FOCAD: variants seen among roughly 807,000 people sequenced by gnomAD.
The protein encoded by FOCAD is KIAA1797.
FOCAD carries 198 observed loss-of-function variants against 225.6 expected under a neutral mutation model. That is an observed-to-expected ratio of 0.88 (90% CI 0.78 to 0.99). The LOEUF is 0.99. Among genes scored for constraint, FOCAD ranks in the 50% least tolerant of loss-of-function variants. The pLI is 0.00. For missense variants in FOCAD, 2,713 were observed against 2,123.6 expected (o/e 1.28, Z -5.46); for synonymous variants, 897 against 755.0 (o/e 1.19, Z -3.08).
In FOCAD at chr9:20,729,346, C is replaced by G. The variant is rs115822082; in HGVS notation, c.287+8812C>G. 2.9e-3 allele frequency among the ~76,000 whole-genome samples: 436 copies of G among 152,318 alleles called. 1 individual carries two copies. The highest frequency in any genetic ancestry group is 0.01 in the African/African-American group (419 of 41,570). On this transcript the variant is annotated intron_variant, in intron 4 of 43. Coordinates refer to ENST00000338382, the MANE Select transcript of FOCAD (RefSeq NM_001375567.1). ...TAACTTCAGTCTCTGCCTCTGTATG[C>G]TCATGGCTGACTTACCTGTATATCT...
intron 26 of FOCAD, among the ~76,000 whole-genome samples, chr9:20,928,056 C>T (rs907188775): frequency 2.0e-5 from 3 of 151,852 alleles, no homozygotes; most frequent in East Asian, 1.9e-4. Context: ...CAGAAGTGTT[C>T]TTATTTCTTT....
chr9:20,880,406 G>T (rs987788879), intron 19 of FOCAD, among the ~76,000 whole-genome samples: 2 of 152,186 alleles, frequency 1.3e-5, no homozygotes, highest in Admixed American at 6.6e-5. Flanking sequence ...AAGAAGCCCT[G>T]TGTCTGGGGA....
At chr9:20,911,016 A>T (rs17691892) in intron 22 of FOCAD, among the ~76,000 whole-genome samples, 39,397 of 152,002 alleles carry the variant, frequency 0.26, 5,442 homozygotes, top group South Asian at 0.36. Context: ...ACGGATTTTT[A>T]AAATTTCTTG....
intron 11 of FOCAD, among the ~76,000 whole-genome samples, chr9:20,790,873 G>A (rs550661580): frequency 6.6e-6 from 1 of 152,308 alleles, no homozygotes; most frequent in African/African-American, 2.4e-5. Context: ...AACAACTGCT[G>A]ATATCTCACA....
chr9:20,930,458 G>A (rs34872272), intron 27 of FOCAD, among the ~76,000 whole-genome samples: 30,177 of 152,082 alleles, frequency 0.2, 3,620 homozygotes, highest in South Asian at 0.32. Flanking sequence ...GTAGGGAGAG[G>A]CATTCTGTTG....
At chr9:20,932,162 TGTGTGTGTG>T (rs1273528130) in intron 27 of FOCAD, among the ~76,000 whole-genome samples, 1 of 152,168 alleles carries the variant, frequency 6.6e-6, no homozygotes, top group Non-Finnish European at 1.5e-5. Context: ...CTATTAAGTC[TGTGTGTGTG>T]ATATGAGGGG....
chr9:20,790,644 A>G (rs1309247207), intron 11 of FOCAD, among the ~76,000 whole-genome samples: 1 of 152,106 alleles, frequency 6.6e-6, no homozygotes, highest in Non-Finnish European at 1.5e-5. Context: ...AGTGACATGC[A>G]CCTGTAATCC....
chr9:20,887,788 T>C (rs1289457395), intron 21 of FOCAD, among the ~76,000 whole-genome samples: 2 of 152,206 alleles, frequency 1.3e-5, no homozygotes, highest in Non-Finnish European at 2.9e-5. Context: ...GTGGCTGTCT[T>C]ATTTTGAATG....
rs138220197 is a variant in FOCAD, at chr9:20,662,794, C to T, written c.-78+3968C>T. ...ACGTCTTGCAACCCAAACTTTGGCT[C>T]AGAGCCTGCTTTTGGAAGAGTCAGG... On this transcript the variant is annotated intron_variant, in intron 2 of 45. Coordinates refer to the FOCAD transcript ENST00000380249. 2.6e-4 allele frequency among the ~76,000 whole-genome samples: 40 copies of T among 152,246 alleles called. No homozygotes were observed. The East Asian group carries it at 7.5e-3, about 29-fold the overall frequency.
rs191937508 is a variant in FOCAD, at chr9:20,796,757, C to T, written c.1455+7149C>T. On this transcript the variant is annotated intron_variant, in intron 11 of 43. Transcript: ENST00000338382. ...TAGATTGCAAAATTTTTCTCCCATT[C>T]TGTAGGTTGCCTGTTCACTCTGATG... is the stretch of plus-strand genomic sequence containing the variant. 3.5e-3 allele frequency among the ~76,000 whole-genome samples: 525 copies of T among 152,156 alleles called. 3 individuals are homozygous for T. Among genetic ancestry groups the T allele is most frequent in the African/African-American group, 0.012 (500 of 41,506 alleles).
intron 1 of FOCAD, among the ~76,000 whole-genome samples, chr9:20,686,855 G>A (rs1401864617): frequency 6.6e-6 from 1 of 152,128 alleles, no homozygotes; most frequent in African/African-American, 2.4e-5. Flanking sequence ...TAAGCTGATA[G>A]GACAAGGGAT....
At chr9:20,917,304 T>C (rs1305297722) in intron 24 of FOCAD, among the ~76,000 whole-genome samples, 2 of 152,092 alleles carry the variant, frequency 1.3e-5, no homozygotes, top group Admixed American at 1.3e-4. Context: ...GTTATGTTGG[T>C]AGTACTTCCT....
rs183630808 is a variant in FOCAD, at chr9:20,893,240, C to T, written c.2625+8010C>T. ...GTATGTACATTGTTTTTTTTAAATACATAATGCTGTTACATAATAGATTAT... is the reference window on the plus strand; with the variant it reads ...GTATGTACATTGTTTTTTTTAAATATATAATGCTGTTACATAATAGATTAT... On this transcript the variant is annotated intron_variant, in intron 21 of 43. Transcript: ENST00000338382. Among the ~76,000 whole-genome samples, 537 of 151,988 alleles carry T rather than the reference C, an allele frequency of 3.5e-3. 4 individuals carry two copies. The highest frequency in any genetic ancestry group is 0.012 in the African/African-American group (508 of 41,478).
chr9:20,874,637 T>C (rs199909770), intron 18 of FOCAD, 44 bp from the exon 19 acceptor site: 23 of 1,584,592 alleles, frequency 1.5e-5, no homozygotes, highest in Non-Finnish European at 2.0e-5. Context: ...TTGCATAATG[T>C]TTTATTATTA....
At chr9:20,937,468 AG>A (rs1389332806) in intron 28 of FOCAD, among the ~76,000 whole-genome samples, 1 of 152,022 alleles carries the variant, frequency 6.6e-6, no homozygotes, top group African/African-American at 2.4e-5. Context: ...GACAAAAACA[AG>A]CAATGGGGAA....
chr9:20,696,313 G>C (rs1388942975), intron 1 of FOCAD, among the ~76,000 whole-genome samples: 1 of 152,158 alleles, frequency 6.6e-6, no homozygotes, highest in Non-Finnish European at 1.5e-5. Flanking sequence ...TAAGAGAGTA[G>C]ATTTCAAGTG....
chr9:20,793,293 C>T (rs74465278), intron 11 of FOCAD, among the ~76,000 whole-genome samples: 2,228 of 152,204 alleles, frequency 0.015, 40 homozygotes, highest in East Asian at 0.043. Context: ...TACCCTCTCC[C>T]GTGGCAATAT....
chr9:20,790,324 A>G (rs1298855426), intron 11 of FOCAD, among the ~76,000 whole-genome samples: 1 of 152,174 alleles, frequency 6.6e-6, no homozygotes, highest in Admixed American at 6.5e-5. Context: ...CTAATCAAGT[A>G]GTTTTGACAT....
At chr9:20,986,492 G>C in intron 40 of FOCAD, 27 bp downstream of exon 40, 1 of 1,565,828 alleles carries the variant, frequency 6.4e-7, no homozygotes. Flanking sequence ...GTGAACATCA[G>C]AAACAGGAAT....
Sources: gnomAD v4.1 joint callset for allele counts (sites outside exome capture counted in the v4.1 genomes callset) on GRCh38, gnomAD v4.1.1 for gene constraint, MANE v1.5 for transcripts, NCBI Gene and HGNC (gene_info 2026-07-23, HGNC 2026-07-21) for gene names.